CELF2: variants seen among roughly 807,000 people sequenced by gnomAD.
CELF2 encodes the protein CUG triplet repeat RNA-binding protein 2.
In CELF2, 8 loss-of-function variants were observed where a neutral mutation model predicts 62.6. The observed-to-expected ratio is 0.13, with a 90% CI of 0.07 to 0.23. CELF2 has a LOEUF of 0.23. Ranked by LOEUF, CELF2 falls within the 10% of genes least tolerant of loss-of-function variation. The pLI is 1.00. For synonymous variants in CELF2, 258 were observed against 250.0 expected (o/e 1.03, Z -0.30); for missense variants, 333 against 671.0 (o/e 0.50, Z 5.56).
chr10:10,752,177 G>A, the CELF2 span, among the ~76,000 whole-genome samples: 1 of 152,216 alleles, frequency 6.6e-6, no homozygotes, highest in Non-Finnish European at 1.5e-5. Flanking sequence ...CTCCTCCCAG[G>A]AGAGAGTCAG....
At chr10:10,823,228 T>C (rs2057111274) in intron 1 of CELF2, among the ~76,000 whole-genome samples, 1 of 152,250 alleles carries the variant, frequency 6.6e-6, no homozygotes. Context: ...GTGCTCTAGT[T>C]ATAAATATAA....
At chr10:11,293,813 A>G (rs578231343) in intron 9 of CELF2, among the ~76,000 whole-genome samples, 2 of 151,790 alleles carry the variant, frequency 1.3e-5, no homozygotes, top group South Asian at 4.1e-4. Flanking sequence ...TTTTAAATTC[A>G]GTGGAATAGC....
upstream of CELF2, among the ~76,000 whole-genome samples, chr10:11,012,903 G>C (rs1198565472): frequency 6.6e-6 from 1 of 151,920 alleles, no homozygotes; most frequent in Non-Finnish European, 1.5e-5. This position sits in a 1 kb window ranked among gnomAD's most constrained non-coding sequence, Gnocchi z 5.5. Flanking sequence ...TGCCTGCCGT[G>C]TGCAAATCAC....
chr10:10,523,235 C>T, the CELF2 span, among the ~76,000 whole-genome samples: 1 of 152,120 alleles, frequency 6.6e-6, no homozygotes, highest in Non-Finnish European at 1.5e-5. Flanking sequence ...TTCAAGCCAT[C>T]GAGGTTTAAT....
chr10:10,765,200 T>C, the CELF2 span, among the ~76,000 whole-genome samples: 2 of 152,236 alleles, frequency 1.3e-5, no homozygotes, highest in Non-Finnish European at 2.9e-5. Flanking sequence ...GGTCCCATTT[T>C]TCACTTTGTG....
At chr10:10,743,322 T>C in the CELF2 span, among the ~76,000 whole-genome samples, 1 of 152,366 alleles carries the variant, frequency 6.6e-6, no homozygotes, top group East Asian at 1.9e-4. Flanking sequence ...AAAGACATCA[T>C]AGCAGTTTTG....
intron 1 of CELF2, among the ~76,000 whole-genome samples, chr10:11,149,327 C>T (rs1319488751): frequency 3.3e-5 from 5 of 152,188 alleles, no homozygotes; most frequent in Non-Finnish European, 5.9e-5. Context: ...GCCTCAGCCT[C>T]CCAAAGTGCT....
the CELF2 span, among the ~76,000 whole-genome samples, chr10:10,639,961 C>A: frequency 6.6e-6 from 1 of 152,168 alleles, no homozygotes; most frequent in Non-Finnish European, 1.5e-5. Context: ...CCTTGTGTGT[C>A]CTCCTGCTAC....
the CELF2 span, among the ~76,000 whole-genome samples, chr10:10,562,451 A>G: frequency 6.6e-6 from 1 of 152,234 alleles, no homozygotes; most frequent in Non-Finnish European, 1.5e-5. Flanking sequence ...ATTCTTCAGC[A>G]TATGTGCTAT....
At chr10:11,291,674 A>C (rs2092545176) in intron 9 of CELF2, among the ~76,000 whole-genome samples, 1 of 152,162 alleles carries the variant, frequency 6.6e-6, no homozygotes, top group African/African-American at 2.4e-5. Flanking sequence ...TGTTTACCCC[A>C]GTCTCCTATT....
intron 1 of CELF2, among the ~76,000 whole-genome samples, chr10:11,064,148 C>T (rs1009565145): frequency 6.6e-6 from 1 of 152,102 alleles, no homozygotes; most frequent in East Asian, 1.9e-4. Context: ...TGAGTCTTCT[C>T]GAAGTCTAAA....
intron 8 of CELF2, 95 bp from the exon 9 acceptor site, chr10:11,288,323 T>C: frequency 6.6e-7 from 1 of 1,507,118 alleles, no homozygotes; most frequent in South Asian, 1.3e-5. Flanking sequence ...TCTGCTCTCA[T>C]CATGTGTCCT....
chr10:10,576,004 G>A, the CELF2 span, among the ~76,000 whole-genome samples: 2 of 152,182 alleles, frequency 1.3e-5, no homozygotes, highest in East Asian at 1.9e-4. Context: ...CATTTTAGCA[G>A]TCTCATGGAC....
chr10:11,280,989 C>CATGT lies in CELF2; in HGVS notation c.841+5869_841+5870insATGT, dbSNP rs1555055101. Among the ~76,000 whole-genome samples the CATGT allele has an allele frequency of 1.4e-5, 2 of 144,514 alleles. No individual in the cohort carries two copies. Among genetic ancestry groups the CATGT allele is most frequent in the African/African-American group, 5.1e-5 (2 of 38,956 alleles). 94.8% of individuals were successfully genotyped at this position (144,514 alleles called of 152,430 possible). ...TGGCGTGCGTGTGCATGCCTGTGTG[C>CATGT]GTGTGTGTGTGTGTGTGTGTGTGTG... is the stretch of plus-strand genomic sequence containing the variant. On this transcript the variant is annotated intron_variant, in intron 8 of 12. Coordinates refer to ENST00000633077, the MANE Select transcript of CELF2 (RefSeq NM_001326342.2). This position sits in a 1 kb window ranked among gnomAD's most constrained non-coding sequence, Gnocchi z 7.6.
Position 11,319,879 on chromosome 10 carries a change from G to T in CELF2, c.1097-1310G>T, listed in dbSNP as rs1435196662. ...GAACATTCCCCACCTGCTCTGTTAG[G>T]GCAGTAGCGTTGCTGGGCGTGTGGA... On this transcript the variant is annotated intron_variant, in intron 10 of 12. Transcript: ENST00000633077. This position sits in a 1 kb window ranked among gnomAD's most constrained non-coding sequence, Gnocchi z 4.4. The T allele has an allele frequency of 2.1e-6, 1 of 470,992 alleles. No individual in the cohort carries two copies. The highest frequency in any genetic ancestry group is 4.4e-6 in the Non-Finnish European group (1 of 227,016). 29.2% of individuals were successfully genotyped at this position (470,992 alleles called of 1,614,324 possible). A position where few individuals can be genotyped will look rare whatever the true frequency, so the allele number is the denominator to read the frequency against.
chr10:11,169,105 C>T (rs2068068473), intron 2 of CELF2: 1 of 152,150 alleles, frequency 6.6e-6, no homozygotes, highest in Admixed American at 6.6e-5. Context: ...TGGAGGCAGT[C>T]CTTGTAGTGT....
rs1221706052 is a variant in CELF2, at chr10:11,242,430, AGCAGAGACCCACCGAG to A, written c.355-6716_355-6701del. On this transcript the variant is annotated intron_variant, in intron 3 of 12. Transcript: ENST00000633077. The surrounding 1 kb of genome is among the most constrained non-coding windows in gnomAD (Gnocchi z 4.8). ...TTGGCTCGGAACCCTCCCTTCCTAC[AGCAGAGACCCACCGAG>A]GCAGAGGGCTTCAGAGAGCCCCACG... Among the ~76,000 whole-genome samples the A allele has an allele frequency of 6.6e-6, 1 of 151,882 alleles. No homozygotes were observed. The highest frequency in any genetic ancestry group is 2.4e-5 in the African/African-American group (1 of 41,336).
the CELF2 span, among the ~76,000 whole-genome samples, chr10:10,493,053 G>A: frequency 2.6e-5 from 4 of 152,144 alleles, no homozygotes; most frequent in African/African-American, 9.7e-5. Context: ...CCAGTCTCAG[G>A]TATGTCTTTA....
chr10:10,912,864 T>C (rs7076818), intron 1 of CELF2, among the ~76,000 whole-genome samples: 7,917 of 152,284 alleles, frequency 0.052, 679 homozygotes, highest in African/African-American at 0.18. Context: ...ATTGCCTGCA[T>C]GGCCTTGGGA....
Sources: allele counts gnomAD v4.1 joint callset (sites outside exome capture counted in the v4.1 genomes callset), GRCh38; gene constraint gnomAD v4.1.1; non-coding constraint Gnocchi (gnomAD v3.1); transcripts MANE v1.5; gene names NCBI Gene and HGNC (gene_info 2026-07-23, HGNC 2026-07-21).